Variants in PATJ observed in about 807,000 individuals in gnomAD.
PATJ encodes the protein inaD-like protein.
Under a neutral mutation model 224.9 loss-of-function variants are expected in PATJ, and 190 were observed. The ratio of observed to expected loss-of-function variants is 0.84; its 90% CI spans 0.75 to 0.95. The LOEUF (loss-of-function observed/expected upper bound fraction) is 0.95, where lower values mean the gene tolerates loss of function less well. Among genes scored for constraint, PATJ ranks in the 40% least tolerant of loss-of-function variants. The pLI is 0.00. For missense variants in PATJ, 2,121 were observed against 2,270.3 expected (o/e 0.93, Z 1.34); for synonymous variants, 769 against 820.3 (o/e 0.94, Z 1.07).
chr1:61,999,153 T>C (rs1645592200), intron 28 of PATJ, among the ~76,000 whole-genome samples: 1 of 152,094 alleles, frequency 6.6e-6, no homozygotes, highest in Non-Finnish European at 1.5e-5. Flanking sequence ...AAGGAGTAAT[T>C]TTCAGCAGTG....
At chr1:61,844,383 A>C (rs1318289769) in intron 17 of PATJ, among the ~76,000 whole-genome samples, 1 of 152,218 alleles carries the variant, frequency 6.6e-6, no homozygotes, top group African/African-American at 2.4e-5. Flanking sequence ...TCCTTTGAAA[A>C]CTTTGTGTTC....
At chr1:61,914,322 G>A (rs1195404061) in intron 25 of PATJ, among the ~76,000 whole-genome samples, 4 of 152,140 alleles carry the variant, frequency 2.6e-5, no homozygotes, top group African/African-American at 7.2e-5. Flanking sequence ...TGGGTGTGGT[G>A]GCAGGCGCCT....
chr1:61,813,997 G>A (rs1306305912), intron 14 of PATJ, among the ~76,000 whole-genome samples: 2 of 151,928 alleles, frequency 1.3e-5, no homozygotes, highest in African/African-American at 2.4e-5. Flanking sequence ...ACTTCCAAAG[G>A]TCTTTTTCTT....
chr1:61,794,196 C>T (rs528940041), intron 9 of PATJ, among the ~76,000 whole-genome samples: 2 of 152,058 alleles, frequency 1.3e-5, no homozygotes, highest in African/African-American at 2.4e-5. Flanking sequence ...GCCACTGTGC[C>T]CGGACTTTTT....
At chr1:61,931,995 T>C (rs1368483274) in intron 27 of PATJ, among the ~76,000 whole-genome samples, 1 of 152,242 alleles carries the variant, frequency 6.6e-6, no homozygotes, top group Admixed American at 6.5e-5. Flanking sequence ...TTTTATTCTA[T>C]TTCATGTTTT....
chr1:61,796,659 T>TTTCTTTCC (rs1557660214), intron 10 of PATJ, among the ~76,000 whole-genome samples: 2 of 48,990 alleles, frequency 4.1e-5, no homozygotes, highest in African/African-American at 1.3e-4. Context: ...CTAAATTTAT[T>TTTCTTTCC]TTCTTTCTTT....
At chr1:61,783,518 T>C (rs371086423) in intron 7 of PATJ, among the ~76,000 whole-genome samples, 158 of 148,634 alleles carry the variant, frequency 1.1e-3, no homozygotes, top group Middle Eastern at 3.4e-3. Flanking sequence ...AGCCTCCAAC[T>C]CCTGACTTCA....
At chr1:62,099,869 T>C (rs1164797068) in intron 33 of PATJ, among the ~76,000 whole-genome samples, 1 of 152,224 alleles carries the variant, frequency 6.6e-6, no homozygotes, top group Admixed American at 6.5e-5. Context: ...GTTATGAGTC[T>C]ATTGTGACAA....
At chr1:62,136,271 A>T (rs1218423542) in intron 41 of PATJ, among the ~76,000 whole-genome samples, 1 of 151,452 alleles carries the variant, frequency 6.6e-6, no homozygotes, top group South Asian at 2.1e-4. Context: ...ACCTCAAGTG[A>T]TCCGCCCATC....
At chr1:61,985,688 C>A (rs1644717518) in intron 27 of PATJ, among the ~76,000 whole-genome samples, 1 of 151,958 alleles carries the variant, frequency 6.6e-6, no homozygotes, top group Non-Finnish European at 1.5e-5. Context: ...TGCAGATGTT[C>A]CAGGGTCTTC....
intron 27 of PATJ, among the ~76,000 whole-genome samples, chr1:61,954,074 CATATTT>C (rs1258567967): frequency 6.6e-6 from 1 of 152,148 alleles, no homozygotes; most frequent in African/African-American, 2.4e-5. Context: ...TAAATGGACA[CATATTT>C]ATGTGTTATA....
At chr1:61,857,256 G>A (rs1472264443) in intron 18 of PATJ, among the ~76,000 whole-genome samples, 7 of 152,134 alleles carry the variant, frequency 4.6e-5, no homozygotes, top group Non-Finnish European at 1.0e-4. Flanking sequence ...ATTATTAAGT[G>A]CTTACTAAAT....
At chr1:62,025,797 T>C (rs1647769876) in intron 29 of PATJ, among the ~76,000 whole-genome samples, 1 of 152,206 alleles carries the variant, frequency 6.6e-6, no homozygotes, top group African/African-American at 2.4e-5. Context: ...CACTCCACCC[T>C]GGGTGACAGA....
intron 28 of PATJ, among the ~76,000 whole-genome samples, chr1:61,996,813 G>T (rs1355657573): frequency 1.4e-5 from 2 of 142,426 alleles, no homozygotes; most frequent in African/African-American, 5.3e-5. Context: ...CACAATCTTG[G>T]CTCACAGCAA....
At chr1:62,084,758 G>GA in intron 33 of PATJ, 110 bp downstream of exon 33, 1 of 1,071,920 alleles carries the variant, frequency 9.3e-7, no homozygotes, top group Non-Finnish European at 1.4e-6. Context: ...AGTATGAGGA[G>GA]AAAATGTGAT....
At chr1:61,904,421 A>T (rs1318084000) in intron 24 of PATJ, among the ~76,000 whole-genome samples, 1 of 152,184 alleles carries the variant, frequency 6.6e-6, no homozygotes, top group African/African-American at 2.4e-5. Context: ...ACATTGGCTC[A>T]ATCCGTAGTT....
rs1351563925 is a variant in PATJ, at chr1:62,121,169, T to A, written c.4891-12T>A. 1 of 1,588,700 alleles carries A rather than the reference T, an allele frequency of 6.3e-7. No homozygotes were observed. Among genetic ancestry groups the A allele is most frequent in the African/African-American group, 1.3e-5 (1 of 74,236 alleles). On this transcript the variant is annotated splice_polypyrimidine_tract_variant and intron_variant, in intron 37 of 43. Coordinates refer to ENST00000642238, the MANE Select transcript of PATJ (RefSeq NM_001350145.3). ...TGTCTGCACACAGGTGACCCCTGGG[T>A]CTTTCTTTCAGGGTAGTCAGCAGAG...
chr1:62,114,228 T>C lies in PATJ; in HGVS notation c.4637T>C (p.Leu1546Pro). Residue 1546 changes from leucine to proline, a missense_variant, in exon 35 of 44, where the codon CTG becomes CCG. Leu to Pro is a moderately conservative substitution (Grantham distance 98). Transcript: ENST00000642238. ...AAGAAAGCTGGCCGGGGCCTGGGCC[T>C]GAGCATCGTTGGGAAACGGTAAAGA... Reference protein sequence around the residue: ...LQKKAGRGLGLSIVGKRNGSG... With the variant: ...LQKKAGRGLGPSIVGKRNGSG... The C allele has an allele frequency of 1.2e-6, 2 of 1,614,028 alleles. No homozygotes were observed. The highest frequency in any genetic ancestry group is 1.7e-6 in the Non-Finnish European group (2 of 1,179,938).
At chr1:61,894,589 C>G in intron 22 of PATJ, among the ~76,000 whole-genome samples, 1 of 152,168 alleles carries the variant, frequency 6.6e-6, no homozygotes, top group East Asian at 1.9e-4. Context: ...TTCCCCTTTG[C>G]CTTCCACCAT....
Sources: allele counts gnomAD v4.1 joint callset (sites outside exome capture counted in the v4.1 genomes callset), GRCh38; gene constraint gnomAD v4.1.1; transcripts MANE v1.5; gene names NCBI Gene and HGNC (gene_info 2026-07-23, HGNC 2026-07-21).